Variants in CSAG1 observed in about 807,000 individuals in gnomAD.
CSAG1 encodes the protein chondrosarcoma associated gene 1.
In CSAG1, 4 loss-of-function variants were observed where a neutral mutation model predicts 4.8. The ratio of observed to expected loss-of-function variants is 0.83; its 90% CI spans 0.41 to 1.90. CSAG1 has a LOEUF of 1.90. Among genes scored for constraint, CSAG1 ranks in the 40% most tolerant of loss-of-function variants. The pLI is 0.03. For synonymous variants in CSAG1, 21 were observed against 23.1 expected (o/e 0.91, Z 0.26); for missense variants, 69 against 59.5 (o/e 1.16, Z -0.53).
chrX:152,732,827 G>T (rs1351627252), intron 1 of CSAG1, among the ~76,000 whole-genome samples: 2 of 111,960 alleles, frequency 1.8e-5, no homozygotes, highest in Non-Finnish European at 3.8e-5. Flanking sequence ...AATTGGGTTT[G>T]TTAAGGCAGC....
intron 1 of CSAG1, among the ~76,000 whole-genome samples, chrX:152,732,821 G>T (rs1458503628): frequency 1.8e-5 from 2 of 111,915 alleles, no homozygotes; most frequent in Non-Finnish European, 3.8e-5. Flanking sequence ...CAGGAAAATT[G>T]GGTTTGTTAA....
At chrX:152,730,916 C>CA (rs1311082411) in intron 2 of CSAG1, among the ~76,000 whole-genome samples, 1 of 112,341 alleles carries the variant, frequency 8.9e-6, no homozygotes, top group African/African-American at 3.2e-5. Flanking sequence ...GGTACTTCAT[C>CA]AAAGAAATAT....
At chrX:152,728,807 AGCGCGC>A (rs1932083597) in intron 2 of CSAG1, among the ~76,000 whole-genome samples, 1 of 110,942 alleles carries the variant, frequency 9.0e-6, no homozygotes, top group Non-Finnish European at 1.9e-5. Context: ...ATGTGCAGAG[AGCGCGC>A]GAGAGAGACA....
intron 2 of CSAG1, among the ~76,000 whole-genome samples, chrX:152,728,936 A>G (rs1361385126): frequency 9.0e-5 from 10 of 111,503 alleles, no homozygotes; most frequent in African/African-American, 3.3e-4. Context: ...AACATTAATC[A>G]CTTCCTTAGA....
intron 1 of CSAG1, among the ~76,000 whole-genome samples, 153 bp downstream of exon 1, chrX:152,733,515 C>T (rs1603456842): frequency 9.0e-6 from 1 of 110,688 alleles, no homozygotes; most frequent in East Asian, 2.9e-4. Flanking sequence ...CAGAGGATGG[C>T]GGTCCAGGCT....
At chrX:152,729,727 A>G (rs2058296439) in intron 2 of CSAG1, among the ~76,000 whole-genome samples, 1 of 110,862 alleles carries the variant, frequency 9.0e-6, no homozygotes, top group African/African-American at 3.3e-5. Flanking sequence ...ACCAATTGCC[A>G]GGGAAGATGT....
chrX:152,728,030 G>T, intron 3 of CSAG1, 44 bp downstream of exon 3: 1 of 1,211,182 alleles, frequency 8.3e-7, no homozygotes, highest in African/African-American at 1.7e-5. Context: ...CACTTTGATA[G>T]GGCTTCTGGG....
chrX:152,731,454 G>A (rs782425023), intron 2 of CSAG1, among the ~76,000 whole-genome samples: 2 of 112,008 alleles, frequency 1.8e-5, no homozygotes, highest in South Asian at 7.4e-4. Context: ...AGGCAGTTTT[G>A]GAGGCCAATT....
rs1456516186 is a variant in CSAG1, at chrX:152,733,709, C to G, written c.-86G>C. Reference sequence around the variant, plus strand: ...ATCCCCATCCAGGAAGAATCCAGTTCCACCCCTGCTGTGAACCCAGGGAAG... The same window carrying G: ...ATCCCCATCCAGGAAGAATCCAGTTGCACCCCTGCTGTGAACCCAGGGAAG... On this transcript the variant is annotated 5_prime_UTR_variant, in exon 1 of 4. Coordinates refer to ENST00000452779, the MANE Select transcript of CSAG1 (RefSeq NM_001102576.3). 1 of 111,167 alleles carries G rather than the reference C, an allele frequency of 9.0e-6. No homozygotes were observed. The highest frequency in any genetic ancestry group is 1.9e-5 in the Non-Finnish European group (1 of 52,965). 9.2% of individuals were successfully genotyped at this position (111,167 alleles called of 1,213,427 possible).
Position 152,728,429 on chromosome X carries a change from C to T in CSAG1, c.17-205G>A, listed in dbSNP as rs1208665953. 8.0e-5 allele frequency among the ~76,000 whole-genome samples: 9 copies of T among 112,274 alleles called. No homozygotes were observed. In the East Asian group the frequency reaches 2.2e-3, roughly 28 times the overall value. ...AGCAACATCTAGACTACTGTTTGAC[C>T]ACACAGCTGAGCAGTATAGCCTAGA... On this transcript the variant is annotated intron_variant, in intron 2 of 3. Coordinates refer to ENST00000452779, the MANE Select transcript of CSAG1 (RefSeq NM_001102576.3).
chrX:152,727,543 A>C lies in CSAG1; in HGVS notation c.*251T>G. ...CATGGGGCATACCCTTTGGGGTGTA[A>C]AACGTACTCTACACCCTGTTGGCTA... On this transcript the variant is annotated 3_prime_UTR_variant, in exon 4 of 4. Transcript: ENST00000452779. 2.3e-6 allele frequency: 1 copy of C among 439,164 alleles called. No individual in the cohort carries two copies. The highest frequency in any genetic ancestry group is 4.0e-5 in the East Asian group (1 of 25,210). 36.2% of individuals were successfully genotyped at this position (439,164 alleles called of 1,213,427 possible). A position where few individuals can be genotyped will look rare whatever the true frequency, so the allele number is the denominator to read the frequency against.
At chrX:152,732,191 C>T (rs1340433753) in intron 2 of CSAG1, among the ~76,000 whole-genome samples, 2 of 112,351 alleles carry the variant, frequency 1.8e-5, no homozygotes, top group Non-Finnish European at 3.8e-5. Flanking sequence ...CTTCACCTCA[C>T]GAAAGCAATA....
At chrX:152,728,365 T>G (rs781902717) in intron 2 of CSAG1, 141 bp from the exon 3 acceptor site, 1 of 590,530 alleles carries the variant, frequency 1.7e-6, no homozygotes, top group Non-Finnish European at 2.9e-6. Flanking sequence ...TAAAGTCAAC[T>G]GATTGTAAAT....
intron 3 of CSAG1, 56 bp downstream of exon 3, chrX:152,728,018 T>C (rs1932056945): frequency 2.5e-6 from 3 of 1,210,959 alleles, no homozygotes; most frequent in African/African-American, 1.7e-5. Context: ...GGGTGGGCCA[T>C]TCACTTTGAT....
chrX:152,727,629 T>G lies in CSAG1; in HGVS notation c.*165A>C. 1.6e-6 allele frequency: 1 copy of G among 621,927 alleles called. No homozygotes were observed. Among genetic ancestry groups the G allele is most frequent in the Non-Finnish European group, 2.6e-6 (1 of 379,325 alleles). The allele number at this position is 621,927 out of a possible 1,213,427, so 51.3% of individuals were successfully genotyped here. Reference sequence around the variant, plus strand: ...TAGACTTGAAGTCTCTGGCCTTGCCTGGGAATTACTGGCTGCCCAAGGAAG... The same window carrying G: ...TAGACTTGAAGTCTCTGGCCTTGCCGGGGAATTACTGGCTGCCCAAGGAAG... On this transcript the variant is annotated 3_prime_UTR_variant, in exon 4 of 4. Transcript: ENST00000452779.
At chrX:152,729,080 A>C (rs1556831281) in intron 2 of CSAG1, among the ~76,000 whole-genome samples, 1 of 110,695 alleles carries the variant, frequency 9.0e-6, no homozygotes, top group African/African-American at 3.3e-5. Flanking sequence ...AGACCTGCAC[A>C]CATATAGTCA....
chrX:152,730,027 C>A (rs1266715632), intron 2 of CSAG1, among the ~76,000 whole-genome samples: 1 of 50,050 alleles, frequency 2.0e-5, no homozygotes, highest in Non-Finnish European at 4.6e-5. Context: ...TACACACACA[C>A]ACGCATTAAA....
At chrX:152,731,883 C>T (rs1428512773) in intron 2 of CSAG1, among the ~76,000 whole-genome samples, 3 of 112,153 alleles carry the variant, frequency 2.7e-5, no homozygotes, top group Non-Finnish European at 5.6e-5. Flanking sequence ...AGAGCACTTC[C>T]ATTTCCTAAA....
chrX:152,731,924 G>A (rs1932164126), intron 2 of CSAG1, among the ~76,000 whole-genome samples: 1 of 112,337 alleles, frequency 8.9e-6, no homozygotes, highest in Admixed American at 9.4e-5. Flanking sequence ...AATGTCAAAT[G>A]TTCGAAGAAC....
Sources: allele counts gnomAD v4.1 joint callset (sites outside exome capture counted in the v4.1 genomes callset), GRCh38; gene constraint gnomAD v4.1.1; transcripts MANE v1.5; gene names NCBI Gene and HGNC (gene_info 2026-07-23, HGNC 2026-07-21).